ST6GALNAC3: variants seen among roughly 807,000 people sequenced by gnomAD.
ST6GALNAC3 encodes the protein ST6 N-acetylgalactosaminide alpha-2,6-sialyltransferase 3.
In ST6GALNAC3, 25 loss-of-function variants were observed where a neutral mutation model predicts 32.7. The observed-to-expected ratio is 0.76, with a 90% CI of 0.56 to 1.07. The LOEUF (loss-of-function observed/expected upper bound fraction) is 1.07, where lower values mean the gene tolerates loss of function less well. Ranked by LOEUF, ST6GALNAC3 falls within the 50% of genes least tolerant of loss-of-function variation. The pLI is 0.00. For synonymous variants in ST6GALNAC3, 129 were observed against 133.1 expected, an observed-to-expected ratio of 0.97 and a Z score of 0.21; for missense variants, 355 against 382.4, an observed-to-expected ratio of 0.93 and a Z score of 0.60.
chr1:76,187,531 G>T (rs937696711), intron 1 of ST6GALNAC3, among the ~76,000 whole-genome samples: 17 of 152,092 alleles, frequency 1.1e-4, no homozygotes, highest in Non-Finnish European at 2.2e-4. Flanking sequence ...TGGAATTCAG[G>T]CAGCTATGTT....
intron 2 of ST6GALNAC3, among the ~76,000 whole-genome samples, chr1:76,376,488 C>T (rs1651245079): frequency 6.6e-6 from 1 of 152,172 alleles, no homozygotes; most frequent in South Asian, 2.1e-4. Flanking sequence ...TTACTCCTGG[C>T]AACCACTAAT....
intron 3 of ST6GALNAC3, among the ~76,000 whole-genome samples, chr1:76,426,550 T>C (rs1655403165): frequency 6.7e-6 from 1 of 149,844 alleles, no homozygotes; most frequent in Non-Finnish European, 1.5e-5. Context: ...TACAGATATA[T>C]ATATATATAT....
chr1:76,569,667 A>G lies in ST6GALNAC3; in HGVS notation c.624-57785A>G, dbSNP rs141059164. ...AGGACTACAATTAAGATCTCGTAGG[A>G]CAGCATTTCGGGAATTTCTTCCTGC... is the stretch of plus-strand genomic sequence containing the variant. On this transcript the variant is annotated intron_variant, in intron 3 of 4. Transcript: ENST00000328299. Among the ~76,000 whole-genome samples the G allele has an allele frequency of 4.6e-5, 7 of 152,206 alleles. No homozygotes were observed. In the East Asian group the frequency reaches 1.4e-3, roughly 29 times the overall value.
chr1:76,082,877 G>GT (rs534228194), intron 1 of ST6GALNAC3, among the ~76,000 whole-genome samples: 13,511 of 146,076 alleles, frequency 0.092, 820 homozygotes, highest in Non-Finnish European at 0.14. Flanking sequence ...CGTGTTTTTT[G>GT]TTTTTTTTTT....
intron 2 of ST6GALNAC3, among the ~76,000 whole-genome samples, chr1:76,368,152 C>A (rs1570986000): frequency 6.6e-6 from 1 of 152,100 alleles, no homozygotes; most frequent in South Asian, 2.1e-4. Context: ...TTTCATGTAC[C>A]TTACAGTCTC....
At chr1:76,501,489 G>A (rs1661174221) in intron 3 of ST6GALNAC3, among the ~76,000 whole-genome samples, 2 of 152,092 alleles carry the variant, frequency 1.3e-5, no homozygotes, top group African/African-American at 4.8e-5. Context: ...TCTGGGTAAA[G>A]GGAGCTAAAA....
At chr1:76,147,453 G>A (rs1428320585) in intron 1 of ST6GALNAC3, among the ~76,000 whole-genome samples, 2 of 152,118 alleles carry the variant, frequency 1.3e-5, no homozygotes. Context: ...AACCTGAGAT[G>A]CAAGACCATG....
chr1:76,350,704 A>T (rs540049544), intron 2 of ST6GALNAC3, among the ~76,000 whole-genome samples: 58 of 152,298 alleles, frequency 3.8e-4, no homozygotes, highest in African/African-American at 1.3e-3. Flanking sequence ...CATAGATTAA[A>T]ATTACAATAA....
chr1:76,221,629 C>T (rs1655776846), intron 1 of ST6GALNAC3, among the ~76,000 whole-genome samples: 1 of 152,150 alleles, frequency 6.6e-6, no homozygotes, highest in Admixed American at 6.6e-5. Context: ...AACAATCAGG[C>T]TCTCTTACCC....
chr1:76,533,876 C>T (rs1663423637), intron 3 of ST6GALNAC3, among the ~76,000 whole-genome samples: 1 of 152,076 alleles, frequency 6.6e-6, no homozygotes, highest in Non-Finnish European at 1.5e-5. Context: ...CTTCCTACTC[C>T]TTTCCCCCTC....
At chr1:76,571,513 G>A (rs1665858027) in intron 3 of ST6GALNAC3, among the ~76,000 whole-genome samples, 1 of 152,036 alleles carries the variant, frequency 6.6e-6, no homozygotes. Context: ...TGTTTTGTTA[G>A]GGAACTGTGT....
chr1:76,447,487 C>T (rs1657062550), intron 3 of ST6GALNAC3, among the ~76,000 whole-genome samples: 1 of 152,150 alleles, frequency 6.6e-6, no homozygotes, highest in Non-Finnish European at 1.5e-5. Context: ...GCATAAGTAA[C>T]AAGGAGCTGA....
intron 1 of ST6GALNAC3, among the ~76,000 whole-genome samples, chr1:76,098,607 TA>T (rs67311636): frequency 0.26 from 39,440 of 151,926 alleles, 5,691 homozygotes; most frequent in Admixed American, 0.34. Context: ...TTTCCCCATT[TA>T]AAAAAATGGG....
At chr1:76,483,935 CAT>C (rs989972128) in intron 3 of ST6GALNAC3, among the ~76,000 whole-genome samples, 2 of 105,770 alleles carry the variant, frequency 1.9e-5, no homozygotes, top group Non-Finnish European at 3.8e-5. Context: ...CAGCTTTCTA[CAT>C]ACGGCTAGCC....
In ST6GALNAC3 at chr1:76,508,415, G is replaced by C. The variant is rs116750234; in HGVS notation, c.623+95998G>C. On this transcript the variant is annotated intron_variant, in intron 3 of 4. Transcript: ENST00000328299. Reference sequence around the variant, plus strand: ...AGGGTTAGGGACTCCTGCCTTAGAGGAATTTGGCCCACTACTATAGTTATA... The same window carrying C: ...AGGGTTAGGGACTCCTGCCTTAGAGCAATTTGGCCCACTACTATAGTTATA... Among the ~76,000 whole-genome samples, 884 of 152,216 alleles carry C rather than the reference G, an allele frequency of 5.8e-3. 6 individuals are homozygous for C. Among genetic ancestry groups the C allele is most frequent in the Non-Finnish European group, 8.9e-3 (605 of 68,002 alleles).
chr1:76,301,184 C>T (rs535885088), intron 1 of ST6GALNAC3, among the ~76,000 whole-genome samples: 3 of 151,950 alleles, frequency 2.0e-5, no homozygotes, highest in Non-Finnish European at 4.4e-5. Flanking sequence ...GATTTTAATT[C>T]TTGGGGCTTC....
chr1:76,294,362 A>T (rs866762380), intron 1 of ST6GALNAC3, among the ~76,000 whole-genome samples: 15 of 132,462 alleles, frequency 1.1e-4, no homozygotes, highest in Middle Eastern at 3.6e-3. Flanking sequence ...ATTTTTTATT[A>T]AAAAAAAAAC....
At chr1:76,506,141 T>C (rs1661466397) in intron 3 of ST6GALNAC3, among the ~76,000 whole-genome samples, 1 of 152,200 alleles carries the variant, frequency 6.6e-6, no homozygotes, top group East Asian at 1.9e-4. Context: ...ACAATACATG[T>C]AGAACCCTTT....
At chr1:76,308,070 C>G (rs1323449481) in intron 1 of ST6GALNAC3, among the ~76,000 whole-genome samples, 2 of 152,052 alleles carry the variant, frequency 1.3e-5, no homozygotes, top group East Asian at 3.9e-4. Context: ...AAAGCTTTCC[C>G]TAAAGCAATT....
Sources: allele counts gnomAD v4.1 joint callset (sites outside exome capture counted in the v4.1 genomes callset), GRCh38; gene constraint gnomAD v4.1.1; transcripts MANE v1.5; gene names NCBI Gene and HGNC (gene_info 2026-07-23, HGNC 2026-07-21).